Variants in DCHS2 observed in about 807,000 individuals in gnomAD.
DCHS2 encodes dachsous cadherin-related 2.
In DCHS2, 142 loss-of-function variants were observed where a neutral mutation model predicts 182.4. That is an observed-to-expected ratio of 0.78 (90% CI 0.68 to 0.89). The LOEUF (loss-of-function observed/expected upper bound fraction) is 0.89, where lower values mean the gene tolerates loss of function less well. Among genes scored for constraint, DCHS2 ranks in the 40% least tolerant of loss-of-function variants. DCHS2 has a pLI of 0.00. For synonymous variants in DCHS2, 1,740 were observed against 1,663.3 expected (o/e 1.05, Z -1.12); for missense variants, 4,319 against 4,198.6 (o/e 1.03, Z -0.79).
At chr4:154,348,800 A>C (rs1156417958) in intron 3 of DCHS2, among the ~76,000 whole-genome samples, 1 of 151,918 alleles carries the variant, frequency 6.6e-6, no homozygotes, top group Non-Finnish European at 1.5e-5. Context: ...ACTGTTAGAG[A>C]ATGAGATTCT....
chr4:154,389,516 T>TTATATACATATATATATA, intron 1 of DCHS2, among the ~76,000 whole-genome samples: 1 of 111,196 alleles, frequency 9.0e-6, no homozygotes, highest in South Asian at 3.9e-4. Context: ...AAGACAAAGG[T>TTATATACATATATATATA]TATATATATA....
At chr4:154,297,485 A>G (rs1734979116) in intron 13 of DCHS2, among the ~76,000 whole-genome samples, 1 of 152,240 alleles carries the variant, frequency 6.6e-6, no homozygotes, top group Non-Finnish European at 1.5e-5. Context: ...ATAAAAGCTA[A>G]ATTTAATTAA....
intron 3 of DCHS2, among the ~76,000 whole-genome samples, chr4:154,338,463 A>G (rs1352909020): frequency 3.3e-5 from 5 of 152,144 alleles, no homozygotes; most frequent in Admixed American, 3.3e-4. Context: ...CCACTACCTC[A>G]TTTTTACCTC....
rs547420329 is a variant in DCHS2, at chr4:154,259,129, G to A, written c.6789+416C>T. On this transcript the variant is annotated intron_variant, in intron 15 of 19. Coordinates refer to ENST00000357232, the MANE Select transcript of DCHS2 (RefSeq NM_001358235.2). The stretch of plus-strand genomic sequence containing the variant: ...TGGGGCTAGTCCTGAAAGCAGATCC[G>A]TCCACATGCCTGTTCACCTTGAAGA... 1.4e-4 allele frequency among the ~76,000 whole-genome samples: 22 copies of A among 152,220 alleles called. 1 individual carries two copies. The highest frequency in any genetic ancestry group is 7.7e-4 in the East Asian group (4 of 5,170).
intron 1 of DCHS2, among the ~76,000 whole-genome samples, chr4:154,438,057 G>A (rs1560758307): frequency 6.6e-6 from 1 of 152,086 alleles, no homozygotes; most frequent in Non-Finnish European, 1.5e-5. Flanking sequence ...ACTCCTCTCA[G>A]TCCCCCTGTA....
chr4:154,245,023 A>G (rs1478612479), intron 16 of DCHS2, among the ~76,000 whole-genome samples: 1 of 152,154 alleles, frequency 6.6e-6, no homozygotes, highest in Non-Finnish European at 1.5e-5. Flanking sequence ...AACTTCAGGC[A>G]TCCTACATAA....
At chr4:154,444,785 A>G (rs1483818349) in intron 1 of DCHS2, among the ~76,000 whole-genome samples, 1 of 152,170 alleles carries the variant, frequency 6.6e-6, no homozygotes, top group African/African-American at 2.4e-5. Context: ...GTGGCCTACA[A>G]GGCAGGCCTC....
chr4:154,295,555 C>G (rs1455864958), intron 13 of DCHS2, among the ~76,000 whole-genome samples: 1 of 152,104 alleles, frequency 6.6e-6, no homozygotes, highest in Non-Finnish European at 1.5e-5. Flanking sequence ...TACCGTAGGC[C>G]CCTAACAACC....
chr4:154,294,888 C>T (rs1734851779), intron 13 of DCHS2, among the ~76,000 whole-genome samples: 2 of 152,206 alleles, frequency 1.3e-5, no homozygotes, highest in South Asian at 4.1e-4. Flanking sequence ...ACACTCAACA[C>T]TTGAATGACA....
At chr4:154,482,380 A>T (rs1560784124) in intron 1 of DCHS2, among the ~76,000 whole-genome samples, 1 of 152,240 alleles carries the variant, frequency 6.6e-6, no homozygotes, top group Non-Finnish European at 1.5e-5. Flanking sequence ...GATGAGAAAG[A>T]AGGCCACTTT....
At chr4:154,418,518 TGTAAA>T (rs1240974671) in intron 1 of DCHS2, among the ~76,000 whole-genome samples, 5 of 152,208 alleles carry the variant, frequency 3.3e-5, no homozygotes, top group South Asian at 2.1e-4. Flanking sequence ...CAAAGGAATT[TGTAAA>T]GTATTTATTA....
Position 154,305,103 on chromosome 4 carries a change from G to T in DCHS2, c.5389C>A (p.Leu1797Ile). ...TACTCAAAGAATCCCTTACCTCGAA[G>T]GGTGAAGACTTCTTGAATTTCTCTG... ...LDREIQEVFT[L>I]RVLVRDGGFP... is the part of the protein sequence containing the mutation. The change falls in exon 11 of 20, where the codon CTT (leucine) becomes ATT (isoleucine). Residue 1797 changes from leucine to isoleucine, a missense_variant. Physicochemically the swap from Leu to Ile is conservative, Grantham distance 5. Transcript: ENST00000357232. 1 of 1,605,298 alleles carries T rather than the reference G, an allele frequency of 6.2e-7. No homozygotes were observed. Among genetic ancestry groups the T allele is most frequent in the South Asian group, 1.1e-5 (1 of 87,386 alleles).
chr4:154,291,980 C>T (rs368933552), intron 13 of DCHS2, among the ~76,000 whole-genome samples: 4 of 152,104 alleles, frequency 2.6e-5, no homozygotes, highest in African/African-American at 9.7e-5. Flanking sequence ...ACAAAGTATA[C>T]AAGCTTGAGG....
At chr4:154,413,326 A>C (rs527335093) in intron 1 of DCHS2, among the ~76,000 whole-genome samples, 1 of 152,286 alleles carries the variant, frequency 6.6e-6, no homozygotes, top group South Asian at 2.1e-4. Context: ...AAATGTTAAG[A>C]GTTATGGTGT....
chr4:154,266,322 GGTT>G (rs1560996554), intron 14 of DCHS2, among the ~76,000 whole-genome samples: 1 of 113,352 alleles, frequency 8.8e-6, no homozygotes, highest in Non-Finnish European at 1.7e-5. Context: ...GAGTTGCAGG[GGTT>G]TTTTTTTTGT....
chr4:154,463,564 C>G (rs1200616678), intron 1 of DCHS2, among the ~76,000 whole-genome samples: 1 of 152,080 alleles, frequency 6.6e-6, no homozygotes, highest in Non-Finnish European at 1.5e-5. Context: ...GAAGGAGAAT[C>G]AGAATCTTTT....
At chr4:154,326,711 G>A (rs540167316) in intron 7 of DCHS2, among the ~76,000 whole-genome samples, 7 of 152,170 alleles carry the variant, frequency 4.6e-5, no homozygotes, top group South Asian at 4.2e-4. Flanking sequence ...GTTTCCGTAC[G>A]TGTAAAGTGT....
In DCHS2 at chr4:154,235,490, T is replaced by A; in HGVS notation, c.9162A>T (p.Lys3054Asn). ...CCACCTCGTTACTGCAGTCGTCAGT[T>A]TTCTGGAAGGCTTTGAGCACACTGG... ...RDASVLKAFQ[K>N]TDDCSNEVVP... The change falls in exon 20 of 20, where the codon AAA (lysine) becomes AAT (asparagine). Residue 3054 changes from lysine to asparagine, a missense_variant. By Grantham distance (94) the Lys-to-Asn change is moderately conservative (BLOSUM62 0). Transcript: ENST00000357232. 1 of 1,614,056 alleles carries A rather than the reference T, an allele frequency of 6.2e-7. No homozygotes were observed. Among genetic ancestry groups the A allele is most frequent in the Non-Finnish European group, 8.5e-7 (1 of 1,179,964 alleles).
At chr4:154,367,703 A>G (rs927669639) in intron 2 of DCHS2, among the ~76,000 whole-genome samples, 8 of 152,118 alleles carry the variant, frequency 5.3e-5, no homozygotes, top group Non-Finnish European at 1.0e-4. Context: ...TCACTCATGT[A>G]TCCTCCCCCT....
Sources: gnomAD v4.1 joint callset for allele counts (sites outside exome capture counted in the v4.1 genomes callset) on GRCh38, gnomAD v4.1.1 for gene constraint, MANE v1.5 for transcripts, NCBI Gene and HGNC (gene_info 2026-07-23, HGNC 2026-07-21) for gene names.